APC2: variants seen among roughly 807,000 people sequenced by gnomAD.
The protein encoded by APC2 is APC regulator of Wnt signaling pathway 2, also known as adenomatous polyposis coli protein 2.
In APC2, 41 loss-of-function variants were observed where a neutral mutation model predicts 72.5. The observed-to-expected ratio is 0.57, with a 90% confidence interval of 0.44 to 0.73. APC2 has a LOEUF of 0.73. APC2 is among the 30% of genes least tolerant of loss of function. The pLI is 0.00. For synonymous variants in APC2, 1,898 were observed against 1,612.0 expected, an observed-to-expected ratio of 1.18 and a Z score of -4.25; for missense variants, 3,729 against 3,403.4, an observed-to-expected ratio of 1.10 and a Z score of -2.38.
chr19:1,460,408 C>T, intron 11 of APC2, 88 bp downstream of exon 11: 1 of 1,577,486 alleles, frequency 6.3e-7, no homozygotes, highest in Non-Finnish European at 8.6e-7. Context: ...AGCCTCGAAA[C>T]AGCCCTGAGA....
intron 10 of APC2, 141 bp from the exon 11 acceptor site, chr19:1,460,040 G>T (rs2083898351): frequency 8.6e-7 from 1 of 1,157,354 alleles, no homozygotes; most frequent in Non-Finnish European, 1.2e-6. Context: ...CCTGGAGGAG[G>T]TCTCAGACTT....
rs762346618 is a variant in APC2 at position 1,466,509 on chromosome 19, T to C, written c.3208T>C (p.Cys1070Arg). 6.3e-7 allele frequency: 1 copy of C among 1,596,566 alleles called. No individual in the cohort carries two copies. Among genetic ancestry groups the C allele is most frequent in the Non-Finnish European group, 8.5e-7 (1 of 1,178,876 alleles). The change falls in exon 15 of 15, where the codon TGC becomes CGC. Residue 1070 changes from cysteine (C) to arginine (R), a missense_variant. Cys to Arg is a radical substitution (Grantham distance 180). Transcript: ENST00000590469. ...AGAGGGGCCACTCTCGCTGTCCCGA[T>C]GCAGCTCCCTTTCCTCGCTGTCCTC... ...AQEGPLSLSR[C>R]SSLSSLSSAG...
chr19:1,469,598 C>A lies in APC2; in HGVS notation c.6297C>A (p.Tyr2099Ter). The A allele has an allele frequency of 7.9e-7, 1 of 1,259,100 alleles. No individual in the cohort carries two copies. 78.0% of individuals were successfully genotyped at this position (1,259,100 alleles called of 1,614,324 possible). A position where few individuals can be genotyped will look rare whatever the true frequency, so the allele number is the denominator to read the frequency against. ...PAARPETVKR[Y>*]ASLPHISVAR... ...CCCGGCCGGAGACTGTCAAGCGCTA[C>A]GCGTCGCTGCCGCACATCAGCGTGG... is the stretch of plus-strand genomic sequence containing the variant. Residue 2099 changes from tyrosine (Y) to a stop codon, truncating the protein, a stop_gained, in exon 15 of 15, where the codon TAC becomes TAA. Transcript: ENST00000590469. LOFTEE classifies it low-confidence loss of function (END_TRUNC).
chr19:1,456,530 GCC>G (rs763479217), intron 8 of APC2, 126 bp downstream of exon 8: 13 of 1,054,316 alleles, frequency 1.2e-5, no homozygotes, highest in Non-Finnish European at 1.6e-5. Flanking sequence ...GTGTAGGAAG[GCC>G]CCTCTGGCGT....
Position 1,467,713 on chromosome 19 carries a change from G to A in APC2, c.4412G>A (p.Arg1471Gln), listed in dbSNP as rs1296374060. Residue 1471 changes from arginine (R) to glutamine (Q), a missense_variant, in exon 15 of 15, where the codon CGG (arginine) becomes CAG (glutamine). Coordinates refer to ENST00000590469, the MANE Select transcript of APC2 (RefSeq NM_005883.3). ...GCAGGGCTGGAGCTGCCCCTGGGCC[G>A]GCCCCCGAGCGCCCCCGCAGACAAG... is the stretch of plus-strand genomic sequence containing the variant. ...NRAGLELPLG[R>Q]PPSAPADKDG... is the part of the protein sequence containing the mutation. 6 of 1,441,110 alleles carry A rather than the reference G, an allele frequency of 4.2e-6. No individual in the cohort carries two copies. Among genetic ancestry groups the A allele is most frequent in the East Asian group, 5.6e-5 (2 of 35,944 alleles). The allele number at this position is 1,441,110 out of a possible 1,614,324, so 89.3% of individuals were successfully genotyped here.
chr19:1,457,869 C>A (rs1157499129), intron 9 of APC2, 96 bp from the exon 10 acceptor site: 6 of 947,106 alleles, frequency 6.3e-6, no homozygotes, highest in African/African-American at 3.1e-5. Flanking sequence ...CTCCCGGGAT[C>A]CTTCAGGCCT....
At position 1,467,882 on chromosome 19, in the gene APC2, C is replaced by G. The variant is rs566223544; in HGVS notation, c.4581C>G (p.His1527Gln). The change falls in exon 15 of 15, where the codon CAC (histidine) becomes CAG (glutamine). Residue 1527 changes from histidine to glutamine, a missense_variant. His to Gln is a conservative substitution (Grantham distance 24). Transcript: ENST00000590469. ...EPPAAAPTPT[H>Q]RRTSAIPRAF... ...CGGCGGCCGCGCCCACGCCAACCCA[C>G]CGGCGCACATCGGCCATCCCTCGCG... 1 of 1,577,166 alleles carries G rather than the reference C, an allele frequency of 6.3e-7. No individual in the cohort carries two copies. The highest frequency in any genetic ancestry group is 1.4e-5 in the African/African-American group (1 of 72,654).
At chr19:1,462,781 T>A (rs1292446115) in intron 14 of APC2, among the ~76,000 whole-genome samples, 1 of 136,078 alleles carries the variant, frequency 7.3e-6, no homozygotes, top group Non-Finnish European at 1.5e-5. Flanking sequence ...CCATCCTGCC[T>A]AACACGGTGA....
At position 1,463,184 on chromosome 19, in the gene APC2, C is replaced by T. The variant is rs1023874448; in HGVS notation, c.1853+1007C>T. 6.6e-5 allele frequency among the ~76,000 whole-genome samples: 10 copies of T among 151,802 alleles called. No individual in the cohort carries two copies. The South Asian group carries it at 1.2e-3, about 19-fold the overall frequency. On this transcript the variant is annotated intron_variant, in intron 14 of 14. Coordinates refer to ENST00000590469, the MANE Select transcript of APC2 (RefSeq NM_005883.3). ...CACCTGTAATCCCACTTTGGGAGGC[C>T]GAGATGGGCAGGTCACAAAGTCAGG...
Position 1,455,952 on chromosome 19 carries a change from C to T in APC2, c.640-124C>T, listed in dbSNP as rs896084236. ...GAGAAGGCAGAGGTAGGGTCAGGGC[C>T]TGGGGCGGGGTTATCAGGAAGAGGC... On this transcript the variant is annotated intron_variant, in intron 6 of 14. Transcript: ENST00000590469. The T allele has an allele frequency of 4.9e-6, 5 of 1,029,166 alleles. No individual in the cohort carries two copies. In the African/African-American group the frequency reaches 6.4e-5, roughly 13 times the overall value. 63.8% of individuals were successfully genotyped at this position (1,029,166 alleles called of 1,614,324 possible). A position where few individuals can be genotyped will look rare whatever the true frequency, so the allele number is the denominator to read the frequency against.
At chr19:1,462,297 T>C in intron 14 of APC2, 120 bp downstream of exon 14, 1 of 926,738 alleles carries the variant, frequency 1.1e-6, no homozygotes, top group Non-Finnish European at 1.6e-6. Context: ...GGCTGCTGTT[T>C]GCAGCATAAA....
chr19:1,455,492 C>A lies in APC2; in HGVS notation c.631C>A (p.Arg211=). The part of the protein sequence containing the change: ...RFGTSDEMVQ[R]AQIRASRLEQ... ...CGGCACCTCGGACGAGATGGTGCAG[C>A]GGGCACAGGTGCGGCGGTGGGCGGG... Residue 211 remains arginine (R), a synonymous_variant, in exon 6 of 15, where the codon CGG becomes AGG. Transcript: ENST00000590469. The A allele has an allele frequency of 6.2e-7, 1 of 1,600,972 alleles. No homozygotes were observed. The highest frequency in any genetic ancestry group is 8.5e-7 in the Non-Finnish European group (1 of 1,174,152).
chr19:1,467,180 G>A lies in APC2; in HGVS notation c.3879G>A (p.Glu1293=). 1.3e-6 allele frequency: 2 copies of A among 1,518,482 alleles called. No homozygotes were observed. Among genetic ancestry groups the A allele is most frequent in the South Asian group, 1.3e-5 (1 of 79,322 alleles). The allele number at this position is 1,518,482 out of a possible 1,614,324, so 94.1% of individuals were successfully genotyped here. A position where few individuals can be genotyped will look rare whatever the true frequency, so the allele number is the denominator to read the frequency against. The stretch of plus-strand genomic sequence containing the variant: ...AGCACTACGTGCAGCAGGACGTGGA[G>A]CTGCGGCTGCTGCCCTCGGCCTGCC... ...LHEHYVQQDV[E]LRLLPSACPE... The change falls in exon 15 of 15, where the codon GAG becomes GAA. Residue 1293 remains glutamate, a synonymous_variant. Transcript: ENST00000590469.
chr19:1,468,904 T>G lies in APC2; in HGVS notation c.5603T>G (p.Leu1868Arg). The G allele has an allele frequency of 6.7e-7, 1 of 1,501,830 alleles. No individual in the cohort carries two copies. Among genetic ancestry groups the G allele is most frequent in the South Asian group, 1.3e-5 (1 of 79,558 alleles). 93.0% of individuals were successfully genotyped at this position (1,501,830 alleles called of 1,614,324 possible). The change falls in exon 15 of 15, where the codon CTC becomes CGC. Residue 1868 changes from leucine to arginine, a missense_variant. Transcript: ENST00000590469. ...PPRSATPPAR[L>R]AKTPSSSSSQ... ...AGAAGCGCCACACCGCCCGCCCGCC[T>G]CGCCAAGACCCCCTCCTCCAGCTCC...
chr19:1,453,376 C>T (rs946443572), intron 3 of APC2, 39 bp downstream of exon 3: 14 of 1,611,164 alleles, frequency 8.7e-6, no homozygotes, highest in Non-Finnish European at 1.2e-5. Context: ...GTGGGGGAGG[C>T]TGGGGGGAAA....
At chr19:1,446,235 C>A (rs867784323), upstream of APC2, 43 of 977,888 alleles carry the variant, frequency 4.4e-5, no homozygotes, top group Middle Eastern at 5.3e-4. The surrounding 1 kb of genome is among the most constrained non-coding windows in gnomAD (Gnocchi z 6.1). Context: ...CCCGCACCCC[C>A]ACCCTGGCCG....
In APC2 at chr19:1,469,394, C is replaced by T. The variant is rs2084090520; in HGVS notation, c.6093C>T (p.Pro2031=). 4 of 1,213,914 alleles carry T rather than the reference C, an allele frequency of 3.3e-6. No individual in the cohort carries two copies. The highest frequency in any genetic ancestry group is 4.1e-6 in the Non-Finnish European group (4 of 976,578). The allele number at this position is 1,213,914 out of a possible 1,614,324, so 75.2% of individuals were successfully genotyped here. A position where few individuals can be genotyped will look rare whatever the true frequency, so the allele number is the denominator to read the frequency against. The change falls in exon 15 of 15, where the codon CCC becomes CCT. Residue 2031 remains proline (P), a synonymous_variant. Coordinates refer to ENST00000590469, the MANE Select transcript of APC2 (RefSeq NM_005883.3). ...GCGCCTCGCCCCGCCGCGGCCGGCC[C>T]GCGCTGCCCGCCGTCTTCCTCTGCT... ...PQGASPRRGR[P]ALPAVFLCSS... is the part of the protein sequence containing the mutation.
intron 14 of APC2, among the ~76,000 whole-genome samples, chr19:1,462,619 C>A (rs1365803683): frequency 4.4e-5 from 6 of 135,376 alleles, no homozygotes; most frequent in Middle Eastern, 4.7e-3. Context: ...TGTGCCACTG[C>A]ACTCCAGTCT....
rs778304336 is a variant in APC2 at position 1,465,620 on chromosome 19, C to G, written c.2319C>G (p.Ser773=). 7 of 1,601,314 alleles carry G rather than the reference C, an allele frequency of 4.4e-6. No individual in the cohort carries two copies. The Admixed American group carries it at 1.2e-4, about 27-fold the overall frequency. Residue 773 remains serine, a synonymous_variant, in exon 15 of 15, where the codon TCC becomes TCG. Transcript: ENST00000590469. ...HLDGLAQDYA[S]DSGCFDDDDA... ...ACGGCCTGGCCCAAGACTATGCTTC[C>G]GATTCGGGCTGCTTTGACGACGACG...
Sources: allele counts gnomAD v4.1 joint callset (sites outside exome capture counted in the v4.1 genomes callset), GRCh38; gene constraint gnomAD v4.1.1; non-coding constraint Gnocchi (gnomAD v3.1); transcripts MANE v1.5; gene names NCBI Gene and HGNC (gene_info 2026-07-23, HGNC 2026-07-21).